CNOT9: variants seen among roughly 807,000 people sequenced by gnomAD.
CNOT9 encodes the protein RCD1 required for cell differentiation1 homolog.
A neutral mutation model predicts 37.4 loss-of-function variants in CNOT9; 8 were observed. That is an observed-to-expected ratio of 0.21 (90% CI 0.13 to 0.39). The LOEUF is 0.39. Ranked by LOEUF, CNOT9 falls within the 10% of genes least tolerant of loss-of-function variation. The probability of loss-of-function intolerance (pLI) is 1.00; values close to 1 mark genes in which losing one functional copy is unlikely to be tolerated. For missense variants in CNOT9, 154 were observed against 365.3 expected (o/e 0.42, Z 4.71); for synonymous variants, 120 against 137.6 (o/e 0.87, Z 0.90).
At position 218,592,920 on chromosome 2, in the gene CNOT9, A is replaced by T. The variant is rs1644644127; in HGVS notation, c.731+213A>T. 1 of 561,870 alleles carries T rather than the reference A, an allele frequency of 1.8e-6. No individual in the cohort carries two copies. Among genetic ancestry groups the T allele is most frequent in the Non-Finnish European group, 3.2e-6 (1 of 317,134 alleles). The allele number at this position is 561,870 out of a possible 1,614,324, so 34.8% of individuals were successfully genotyped here. On this transcript the variant is annotated intron_variant, in intron 7 of 7. Coordinates refer to ENST00000273064, the MANE Select transcript of CNOT9 (RefSeq NM_005444.3). The surrounding 1 kb of genome is among the most constrained non-coding windows in gnomAD (Gnocchi z 4.1). ...TCTTCTCACTGTAACTCTCCATCCT[A>T]CTGTGAAATTCCAGAGAGTCTAGGC...
intron 1 of CNOT9, 140 bp downstream of exon 1, chr2:218,569,118 C>A (rs1332079438): frequency 6.6e-6 from 6 of 904,860 alleles, no homozygotes; most frequent in Non-Finnish European, 1.0e-5. Flanking sequence ...TTCCCCTCCT[C>A]GGCACGCTTT....
intron 1 of CNOT9, among the ~76,000 whole-genome samples, chr2:218,578,407 T>C (rs149719039): frequency 1.1e-4 from 17 of 152,352 alleles, no homozygotes; most frequent in Admixed American, 2.6e-4. Flanking sequence ...TCAAAGTCTA[T>C]TTTATGCTTC....
At position 218,592,817 on chromosome 2, in the gene CNOT9, T is replaced by C; in HGVS notation, c.731+110T>C. 1 of 813,644 alleles carries C rather than the reference T, an allele frequency of 1.2e-6. No individual in the cohort carries two copies. The allele number at this position is 813,644 out of a possible 1,614,324, so 50.4% of individuals were successfully genotyped here. On this transcript the variant is annotated intron_variant, in intron 7 of 7. Coordinates refer to ENST00000273064, the MANE Select transcript of CNOT9 (RefSeq NM_005444.3). The surrounding 1 kb of genome is among the most constrained non-coding windows in gnomAD (Gnocchi z 4.1). ...TAGGACAGGGAAGTGGGGATATAAC[T>C]GCATTTAGTTTGTCTGAGACAGAAC...
rs771664186 is a variant in CNOT9, at chr2:218,592,595, C to T, written c.640-21C>T. 3.1e-6 allele frequency: 5 copies of T among 1,611,614 alleles called. No individual in the cohort carries two copies. Among genetic ancestry groups the T allele is most frequent in the South Asian group, 2.2e-5 (2 of 91,032 alleles). ...TTTTGTGTGTTTTTTCCAACCCCTC[C>T]CCTTATTTTGGGGGAAACAGGGTAA... On this transcript the variant is annotated intron_variant, in intron 6 of 7. Coordinates refer to ENST00000273064, the MANE Select transcript of CNOT9 (RefSeq NM_005444.3). This position sits in a 1 kb window ranked among gnomAD's most constrained non-coding sequence, Gnocchi z 4.1.
intron 1 of CNOT9, chr2:218,574,206 TCAGCCTC>T (rs1209842925): frequency 3.9e-6 from 1 of 254,292 alleles, no homozygotes; most frequent in African/African-American, 2.3e-5. Flanking sequence ...TCCACCAGCC[TCAGCCTC>T]CCAAAGTGCT....
intron 2 of CNOT9, among the ~76,000 whole-genome samples, chr2:218,582,272 A>T (rs1031091930): frequency 4.6e-5 from 7 of 152,162 alleles, no homozygotes; most frequent in African/African-American, 1.7e-4. Context: ...CTGGCCAGTG[A>T]TCTCATCACT....
At chr2:218,583,273 CTCTCTCTCTCTCT>C (rs1694479022) in intron 3 of CNOT9, among the ~76,000 whole-genome samples, 187 bp downstream of exon 3, 2 of 77,420 alleles carry the variant, frequency 2.6e-5, no homozygotes, top group African/African-American at 5.2e-5. Flanking sequence ...CTCTCTCTCT[CTCTCTCTCTCTCT>C]CCTGGTCTTC....
At chr2:218,582,421 T>G (rs1453652376) in intron 2 of CNOT9, among the ~76,000 whole-genome samples, 1 of 152,238 alleles carries the variant, frequency 6.6e-6, no homozygotes, top group Non-Finnish European at 1.5e-5. Context: ...CCGGGCGCAG[T>G]GGCTCACGCC....
At chr2:218,577,107 A>G (rs748176552) in intron 1 of CNOT9, among the ~76,000 whole-genome samples, 26 of 152,346 alleles carry the variant, frequency 1.7e-4, no homozygotes, top group Non-Finnish European at 3.2e-4. Flanking sequence ...TAAATTTTAC[A>G]TAACTTCTCT....
intron 2 of CNOT9, chr2:218,580,944 T>G (rs980723525): frequency 1.5e-6 from 1 of 660,582 alleles, no homozygotes; most frequent in Non-Finnish European, 2.8e-6. Context: ...TTAGTCAGTC[T>G]GAGGTGGGCC....
At chr2:218,593,466 G>A in intron 7 of CNOT9, 1 of 1,050,318 alleles carries the variant, frequency 9.5e-7, no homozygotes. Context: ...ACTAGTCTGA[G>A]TGCAAAAACT....
chr2:218,578,281 T>G (rs1004618722), intron 1 of CNOT9, among the ~76,000 whole-genome samples: 4 of 152,210 alleles, frequency 2.6e-5, no homozygotes, highest in African/African-American at 9.6e-5. Flanking sequence ...CAGAACAACT[T>G]GTGGTTCTTT....
At chr2:218,585,234 T>C (rs1289228778) in intron 4 of CNOT9, among the ~76,000 whole-genome samples, 3 of 93,786 alleles carry the variant, frequency 3.2e-5, no homozygotes, top group East Asian at 5.2e-4. Context: ...TTTTGTTTGT[T>C]TGTCTTACTT....
Position 218,596,850 on chromosome 2 carries a change from T to C in CNOT9, c.*2574T>C, listed in dbSNP as rs2106103978. ...GAGCACATCTCCAGGATTGTTTCCATGCCTGGCTGTCAGTGGGACACAGCT... is the reference window on the plus strand; with the variant it reads ...GAGCACATCTCCAGGATTGTTTCCACGCCTGGCTGTCAGTGGGACACAGCT... On this transcript the variant is annotated 3_prime_UTR_variant, in exon 8 of 8. Transcript: ENST00000273064. 6.6e-6 allele frequency: 1 copy of C among 152,374 alleles called. No individual in the cohort carries two copies. Among genetic ancestry groups the C allele is most frequent in the East Asian group, 1.9e-4 (1 of 5,190 alleles). The allele number at this position is 152,374 out of a possible 1,614,324, so 9.4% of individuals were successfully genotyped here.
chr2:218,592,434 A>G lies in CNOT9; in HGVS notation c.639+32A>G, dbSNP rs1694809818. On this transcript the variant is annotated intron_variant, in intron 6 of 7. Coordinates refer to ENST00000273064, the MANE Select transcript of CNOT9 (RefSeq NM_005444.3). The surrounding 1 kb of genome is among the most constrained non-coding windows in gnomAD (Gnocchi z 4.1). The stretch of plus-strand genomic sequence containing the variant: ...TCTTTCATCTATCCCCTTTACAACT[A>G]CTTCTCATCACAAAGCTTAATCTCT... 1 of 1,550,384 alleles carries G rather than the reference A, an allele frequency of 6.5e-7. No individual in the cohort carries two copies. The highest frequency in any genetic ancestry group is 1.1e-5 in the South Asian group (1 of 89,718).
rs747815952 is a variant in CNOT9, at chr2:218,592,592, C to T, written c.640-24C>T. 3.1e-6 allele frequency: 5 copies of T among 1,609,042 alleles called. No individual in the cohort carries two copies. Among genetic ancestry groups the T allele is most frequent in the East Asian group, 4.5e-5 (2 of 44,868 alleles). ...GTGTTTTGTGTGTTTTTTCCAACCCCTCCCCTTATTTTGGGGGAAACAGGG... is the reference window on the plus strand; with the variant it reads ...GTGTTTTGTGTGTTTTTTCCAACCCTTCCCCTTATTTTGGGGGAAACAGGG... On this transcript the variant is annotated intron_variant, in intron 6 of 7. Transcript: ENST00000273064. This position sits in a 1 kb window ranked among gnomAD's most constrained non-coding sequence, Gnocchi z 4.1.
Position 218,594,429 on chromosome 2 carries a change from G to T in CNOT9, c.*153G>T. 1 of 840,108 alleles carries T rather than the reference G, an allele frequency of 1.2e-6. No individual in the cohort carries two copies. The highest frequency in any genetic ancestry group is 1.8e-6 in the Non-Finnish European group (1 of 557,148). The allele number at this position is 840,108 out of a possible 1,614,324, so 52.0% of individuals were successfully genotyped here. On this transcript the variant is annotated 3_prime_UTR_variant, in exon 8 of 8. Transcript: ENST00000273064. The stretch of plus-strand genomic sequence containing the variant: ...AGGGGCAAGGTACCCCTGCTGAGGT[G>T]TATGGGCTGCCATCTCAGGCTGTCT...
intron 3 of CNOT9, 131 bp downstream of exon 3, chr2:218,583,217 GTGTGTGTGTGTGTGTGTCTCTCTC>G (rs1694460983): frequency 3.4e-5 from 13 of 382,530 alleles, no homozygotes; most frequent in Non-Finnish European, 4.6e-5. Context: ...GTGTGTGTGT[GTGTGTGTGTGTGTGTGTCTCTCTC>G]TCTCTCTCTC....
rs549036487 is a variant in CNOT9, at chr2:218,576,736, G to C, written c.25-3825G>C. On this transcript the variant is annotated intron_variant, in intron 1 of 7. Transcript: ENST00000273064. ...CAATTCCAGCACTTTGGGAAGCTAA[G>C]GCAGGCAGATCACTTCAGGTCAGGA... Among the ~76,000 whole-genome samples the C allele has an allele frequency of 7.2e-5, 11 of 152,298 alleles. No homozygotes were observed. The East Asian group carries it at 2.1e-3, about 29-fold the overall frequency.
Sources: allele counts gnomAD v4.1 joint callset (sites outside exome capture counted in the v4.1 genomes callset), GRCh38; gene constraint gnomAD v4.1.1; non-coding constraint Gnocchi (gnomAD v3.1); transcripts MANE v1.5; gene names NCBI Gene and HGNC (gene_info 2026-07-23, HGNC 2026-07-21).